NRXN3: variants seen among roughly 807,000 people sequenced by gnomAD.
NRXN3 encodes neurexin 3, also known as neurexin III.
A neutral mutation model predicts 137.6 loss-of-function variants in NRXN3; 32 were observed. That is an observed-to-expected ratio of 0.23 (90% CI 0.18 to 0.31). NRXN3 has a LOEUF of 0.31. NRXN3 is among the 10% of genes least tolerant of loss of function. The pLI, the probability that NRXN3 is intolerant of heterozygous loss-of-function variation, is 1.00. For missense variants in NRXN3, 1,574 were observed against 2,062.5 expected, an observed-to-expected ratio of 0.76 and a Z score of 4.59; for synonymous variants, 798 against 784.5, an observed-to-expected ratio of 1.02 and a Z score of -0.29.
chr14:78,786,050 A>C (rs1273182006), intron 8 of NRXN3, among the ~76,000 whole-genome samples: 1 of 152,132 alleles, frequency 6.6e-6, no homozygotes, highest in African/African-American at 2.4e-5. Flanking sequence ...TTTACCATTC[A>C]TATTTCAGGC....
intron 6 of NRXN3, among the ~76,000 whole-genome samples, chr14:78,663,773 T>A (rs191917880): frequency 3.9e-5 from 6 of 152,274 alleles, no homozygotes; most frequent in Admixed American, 2.0e-4. Flanking sequence ...ATGTCACTTA[T>A]TTACAGCAAA....
At chr14:79,717,687 C>T (rs193056523) in intron 19 of NRXN3, among the ~76,000 whole-genome samples, 18 of 152,288 alleles carry the variant, frequency 1.2e-4, no homozygotes, top group Admixed American at 1.0e-3. Flanking sequence ...CAGTTCATCT[C>T]AGGTTTAAGG....
chr14:79,805,812 T>A (rs1174771516), intron 20 of NRXN3, among the ~76,000 whole-genome samples: 4 of 152,222 alleles, frequency 2.6e-5, no homozygotes, highest in Non-Finnish European at 5.9e-5. Flanking sequence ...TGCTGTACCA[T>A]GCCGTGTCAA....
chr14:79,769,751 A>G (rs2099070357), intron 19 of NRXN3, among the ~76,000 whole-genome samples: 1 of 152,144 alleles, frequency 6.6e-6, no homozygotes, highest in South Asian at 2.1e-4. Flanking sequence ...TCATAACGAC[A>G]GGATCACATT....
In NRXN3 at chr14:79,861,767, G is replaced by T; in HGVS notation, c.4519G>T (p.Ala1507Ser). Residue 1507 changes from alanine to serine, a missense_variant, in exon 21 of 21, where the codon GCC becomes TCC. By Grantham distance (99) the Ala-to-Ser change is moderately conservative (BLOSUM62 1). Transcript: ENST00000335750. The surrounding 1 kb of genome is among the most constrained non-coding windows in gnomAD (Gnocchi z 5.4). ...GGTCGTCGGCATTGTGGCTGCTGCC[G>T]CCCTCTGCATCTTGATCCTCCTGTA... ...GMVVGIVAAA[A>S]LCILILLYAM... The T allele has an allele frequency of 6.2e-7, 1 of 1,614,002 alleles. No homozygotes were observed. The highest frequency in any genetic ancestry group is 8.5e-7 in the Non-Finnish European group (1 of 1,180,016).
At chr14:78,715,423 G>T (rs1036530759) in intron 8 of NRXN3, among the ~76,000 whole-genome samples, 1 of 152,066 alleles carries the variant, frequency 6.6e-6, no homozygotes, top group African/African-American at 2.4e-5. Flanking sequence ...ATTCTCTTTT[G>T]GGACTCCAGG....
intron 16 of NRXN3, among the ~76,000 whole-genome samples, chr14:79,643,742 T>A (rs919101391): frequency 7.4e-6 from 1 of 135,570 alleles, no homozygotes; most frequent in Non-Finnish European, 1.7e-5. Flanking sequence ...CTCAACCTTA[T>A]TTCTGTTTCC....
intron 15 of NRXN3, among the ~76,000 whole-genome samples, chr14:79,426,857 T>TA (rs1367512587): frequency 6.6e-6 from 1 of 152,228 alleles, no homozygotes; most frequent in Non-Finnish European, 1.5e-5. Context: ...ATCCTTACTC[T>TA]ATATTAGTGT....
At chr14:78,875,467 G>A (rs560401641) in intron 10 of NRXN3, among the ~76,000 whole-genome samples, 5 of 151,958 alleles carry the variant, frequency 3.3e-5, no homozygotes, top group Non-Finnish European at 5.9e-5. Context: ...ATACAGTGCC[G>A]TAATAAAAAT....
At chr14:78,770,221 C>T (rs2098722598) in intron 8 of NRXN3, among the ~76,000 whole-genome samples, 2 of 152,158 alleles carry the variant, frequency 1.3e-5, no homozygotes, top group Non-Finnish European at 2.9e-5. Flanking sequence ...CACCCAGGGT[C>T]GCCCAGCGCT....
At chr14:78,566,553 G>A (rs1188813444) in intron 4 of NRXN3, among the ~76,000 whole-genome samples, 2 of 152,168 alleles carry the variant, frequency 1.3e-5, no homozygotes, top group East Asian at 1.9e-4. Flanking sequence ...ACCAGAAAGC[G>A]TTAGGTTATG....
chr14:79,112,830 T>G (rs1240804620), intron 15 of NRXN3, among the ~76,000 whole-genome samples: 1 of 152,234 alleles, frequency 6.6e-6, no homozygotes, highest in Non-Finnish European at 1.5e-5. Context: ...AATTTTTTGA[T>G]GTGAAGTGTC....
chr14:78,529,538 A>G (rs1381647068), intron 4 of NRXN3, among the ~76,000 whole-genome samples: 1 of 152,174 alleles, frequency 6.6e-6, no homozygotes, highest in East Asian at 1.9e-4. Context: ...CCAATATGGC[A>G]TCATCCTCTT....
intron 3 of NRXN3, among the ~76,000 whole-genome samples, chr14:78,281,897 C>T (rs2074459014): frequency 6.6e-6 from 1 of 152,166 alleles, no homozygotes; most frequent in Non-Finnish European, 1.5e-5. Flanking sequence ...GAGCTGTGGG[C>T]CAGGCTGTGT....
chr14:78,627,717 G>T (rs2097480653), intron 4 of NRXN3, among the ~76,000 whole-genome samples: 1 of 152,162 alleles, frequency 6.6e-6, no homozygotes, highest in Admixed American at 6.5e-5. Flanking sequence ...TGGGTATATT[G>T]CTAATTACTT....
At chr14:78,412,208 G>A (rs959723924) in intron 4 of NRXN3, among the ~76,000 whole-genome samples, 5 of 152,162 alleles carry the variant, frequency 3.3e-5, no homozygotes, top group African/African-American at 1.2e-4. Flanking sequence ...GACTAAGTCT[G>A]GCCAGTGAGC....
chr14:79,836,889 C>T (rs533191645), intron 20 of NRXN3, among the ~76,000 whole-genome samples: 109 of 152,106 alleles, frequency 7.2e-4, no homozygotes, highest in Admixed American at 1.2e-3. Context: ...AATTTTCATA[C>T]GGGACCCTCA....
intron 4 of NRXN3, among the ~76,000 whole-genome samples, chr14:78,586,386 G>C (rs1470794020): frequency 3.3e-5 from 5 of 152,146 alleles, no homozygotes; most frequent in Admixed American, 3.3e-4. Flanking sequence ...GCCAGGGTTT[G>C]AACACACAGC....
intron 4 of NRXN3, among the ~76,000 whole-genome samples, chr14:78,558,254 C>G (rs1428838450): frequency 6.6e-6 from 1 of 152,210 alleles, no homozygotes; most frequent in Non-Finnish European, 1.5e-5. Flanking sequence ...ACTCCCTTCC[C>G]CCTTCCAACA....
Sources: allele counts gnomAD v4.1 joint callset (sites outside exome capture counted in the v4.1 genomes callset), GRCh38; gene constraint gnomAD v4.1.1; non-coding constraint Gnocchi (gnomAD v3.1); transcripts MANE v1.5; gene names NCBI Gene and HGNC (gene_info 2026-07-23, HGNC 2026-07-21).